NAV1: variants seen among roughly 807,000 people sequenced by gnomAD.
NAV1 encodes the protein neuron navigator 1, also known as pore membrane and/or filament interacting like protein 3.
A neutral mutation model predicts 175.2 loss-of-function variants in NAV1; 18 were observed. The observed-to-expected ratio is 0.10, with a 90% CI of 0.07 to 0.15. NAV1 has a LOEUF of 0.15. Ranked by LOEUF, NAV1 falls within the 10% of genes least tolerant of loss-of-function variation. The pLI, the probability that NAV1 is intolerant of heterozygous loss-of-function variation, is 1.00. For missense variants in NAV1, 1,731 were observed against 2,436.6 expected, an observed-to-expected ratio of 0.71 and a Z score of 6.10; for synonymous variants, 897 against 978.7, an observed-to-expected ratio of 0.92 and a Z score of 1.56.
At chr1:201,567,472 A>C (rs952095488) in intron 1 of NAV1, among the ~76,000 whole-genome samples, 3 of 152,222 alleles carry the variant, frequency 2.0e-5, no homozygotes, top group African/African-American at 7.2e-5. Context: ...TGGAGGACTG[A>C]GGCGAAGCGA....
intron 3 of NAV1, among the ~76,000 whole-genome samples, chr1:201,748,885 C>T (rs1673931720): frequency 6.6e-6 from 1 of 152,136 alleles, no homozygotes; most frequent in African/African-American, 2.4e-5. Context: ...TGGTGGTTCA[C>T]ACCTGTAATC....
In NAV1 at chr1:201,728,379, G is replaced by A. The variant is rs1672698263; in HGVS notation, c.1226+9624G>A. Among the ~76,000 whole-genome samples, 3 of 151,912 alleles carry A rather than the reference G, an allele frequency of 2.0e-5. No homozygotes were observed. In the South Asian group the frequency reaches 6.2e-4, roughly 32 times the overall value. On this transcript the variant is annotated intron_variant, in intron 3 of 29. Coordinates refer to ENST00000367296, the Ensembl canonical transcript of NAV1. ...GGCCGAGGCAGGTGGATCACCTGAG[G>A]TCAGGAGTTCAAGACCAGCCTGGCC...
intron 1 of NAV1, among the ~76,000 whole-genome samples, chr1:201,560,784 A>T (rs1479992323): frequency 6.6e-6 from 1 of 152,186 alleles, no homozygotes. Context: ...GGGACTGAGG[A>T]GCCACAGAAG....
At chr1:201,745,948 T>C in intron 3 of NAV1, among the ~76,000 whole-genome samples, 1 of 152,092 alleles carries the variant, frequency 6.6e-6, no homozygotes, top group East Asian at 1.9e-4. Context: ...TCCTCCCACC[T>C]CAGCCTCCAA....
intron 15 of NAV1, among the ~76,000 whole-genome samples, chr1:201,799,791 C>T (rs1030566137): frequency 2.0e-5 from 3 of 149,248 alleles, no homozygotes; most frequent in Non-Finnish European, 3.0e-5. Context: ...ACCTGGGAGG[C>T]AGAGGTTGCA....
At chr1:201,649,382 C>A (rs766205587) in exon 1 of NAV1, 3 of 1,598,106 alleles carry the variant, frequency 1.9e-6, no homozygotes, top group South Asian at 1.1e-5. Flanking sequence ...TGGTGGTGAC[C>A]GTGCTGGGAG....
At chr1:201,604,527 C>G (rs1033407647) in intron 2 of NAV1, among the ~76,000 whole-genome samples, 2 of 151,962 alleles carry the variant, frequency 1.3e-5, no homozygotes, top group South Asian at 4.2e-4. Flanking sequence ...ACTAAAAATA[C>G]AAAAATTAGC....
intron 3 of NAV1, among the ~76,000 whole-genome samples, chr1:201,749,167 C>G (rs1463846462): frequency 1.3e-5 from 2 of 152,082 alleles, no homozygotes; most frequent in East Asian, 3.9e-4. Context: ...AAAAGACTCT[C>G]TCTAACTGAG....
At chr1:201,802,650 G>A (rs924447363) in intron 15 of NAV1, among the ~76,000 whole-genome samples, 1 of 151,238 alleles carries the variant, frequency 6.6e-6, no homozygotes, top group African/African-American at 2.4e-5. Flanking sequence ...CCTGGTGGCG[G>A]GTGCCTGTAA....
At chr1:201,551,503 A>ACAAACATGAGC (rs1176369579) in intron 1 of NAV1, among the ~76,000 whole-genome samples, 1 of 152,226 alleles carries the variant, frequency 6.6e-6, no homozygotes, top group Non-Finnish European at 1.5e-5. Flanking sequence ...TGCTGGGATT[A>ACAAACATGAGC]CAAACATGAG....
intron 2 of NAV1, among the ~76,000 whole-genome samples, chr1:201,614,802 T>C (rs547751339): frequency 6.6e-6 from 1 of 152,236 alleles, no homozygotes; most frequent in Non-Finnish European, 1.5e-5. Flanking sequence ...CTCTGCCATT[T>C]ACTAGCTGTG....
intron 1 of NAV1, among the ~76,000 whole-genome samples, chr1:201,570,789 C>T (rs1465337916): frequency 6.6e-6 from 1 of 152,194 alleles, no homozygotes; most frequent in Non-Finnish European, 1.5e-5. Context: ...GAGGCCTGTT[C>T]CCAGAAGTCC....
chr1:201,718,590 A>G lies in NAV1; in HGVS notation c.1061A>G (p.Tyr354Cys). The G allele has an allele frequency of 6.2e-7, 1 of 1,613,592 alleles. No individual in the cohort carries two copies. Among genetic ancestry groups the G allele is most frequent in the South Asian group, 1.1e-5 (1 of 91,054 alleles). ...TACATGCACGGCGAACGGGCCCACT[A>G]CTCCCACACCATGCCCATGCGCAGC... is the stretch of plus-strand genomic sequence containing the variant. The change falls in exon 3 of 30, where the codon TAC becomes TGC. Residue 354 changes from tyrosine (Y) to cysteine (C), a missense_variant. Physicochemically the swap from Tyr to Cys is radical, Grantham distance 194 (BLOSUM62 -2). This residue lies in a region of NAV1 where 487 missense variants were observed against 581.3 expected (regional missense o/e 0.84). Transcript: ENST00000367296. The surrounding 1 kb of genome is among the most constrained non-coding windows in gnomAD (Gnocchi z 4.8).
exon 30 of NAV1, chr1:201,820,145 G>T: frequency 1.9e-6 from 1 of 539,298 alleles, no homozygotes; most frequent in Non-Finnish European, 3.3e-6. Context: ...TTGGGAACTT[G>T]TGCCCCCTAA....
chr1:201,650,496 A>G (rs1419929358), intron 1 of NAV1, among the ~76,000 whole-genome samples: 3 of 152,028 alleles, frequency 2.0e-5, no homozygotes, highest in African/African-American at 7.3e-5. Flanking sequence ...GAGGGACCCG[A>G]GCTTCCTGGG....
chr1:201,783,909 C>T, intron 7 of NAV1, 57 bp downstream of exon 11: 1 of 1,490,356 alleles, frequency 6.7e-7, no homozygotes. Flanking sequence ...GCTCATTTTG[C>T]CATTGGCAAT....
chr1:201,612,524 G>C (rs1667879320), intron 2 of NAV1, among the ~76,000 whole-genome samples: 1 of 152,174 alleles, frequency 6.6e-6, no homozygotes, highest in South Asian at 2.1e-4. Context: ...GGAAGTCCAA[G>C]ATCAAGGTGC....
chr1:201,546,181 G>T (rs190352593), intron 1 of NAV1, among the ~76,000 whole-genome samples: 3 of 152,222 alleles, frequency 2.0e-5, no homozygotes, highest in African/African-American at 7.2e-5. Flanking sequence ...GGCCCCTCTG[G>T]CTCTCCTTCC....
rs1185692505 is a variant in NAV1 at position 201,782,151 on chromosome 1, TTTCTC to T, written c.1664-24_1664-20del. 2 of 1,546,954 alleles carry T rather than the reference TTTCTC, an allele frequency of 1.3e-6. No individual in the cohort carries two copies. Among genetic ancestry groups the T allele is most frequent in the African/African-American group, 2.8e-5 (2 of 72,498 alleles). ...TAAGATACTGGTCAGTTTCAGCTCT[TTTCTC>T]ATTTCCCGTCCTCTTGCAGGCAAAC... On this transcript the variant is annotated intron_variant, in intron 5 of 29. Coordinates refer to ENST00000367296, the Ensembl canonical transcript of NAV1. The surrounding 1 kb of genome is among the most constrained non-coding windows in gnomAD (Gnocchi z 5.4).
Sources: allele counts gnomAD v4.1 joint callset (sites outside exome capture counted in the v4.1 genomes callset), GRCh38; gene constraint gnomAD v4.1.1; regional missense constraint gnomAD v4.1.1; non-coding constraint Gnocchi (gnomAD v3.1); transcripts MANE v1.5; gene names NCBI Gene and HGNC (gene_info 2026-07-23, HGNC 2026-07-21).